Variants in UNC13C observed in about 807,000 individuals in gnomAD.
UNC13C encodes unc-13 homolog C, also known as protein unc-13 homolog C.
A neutral mutation model predicts 245.4 loss-of-function variants in UNC13C; 174 were observed. The observed-to-expected ratio is 0.71, with a 90% confidence interval of 0.63 to 0.80. UNC13C has a LOEUF of 0.80. Ranked by LOEUF, UNC13C falls within the 30% of genes least tolerant of loss-of-function variation. UNC13C has a pLI of 0.00. For missense variants in UNC13C, 2,829 were observed against 2,602.9 expected, an observed-to-expected ratio of 1.09 and a Z score of -1.89; for synonymous variants, 992 against 895.1, an observed-to-expected ratio of 1.11 and a Z score of -1.93.
intron 14 of UNC13C, among the ~76,000 whole-genome samples, chr15:54,326,570 ATTTGCCATTAGCTCTAGTT>A (rs2038302719): frequency 6.6e-6 from 1 of 152,006 alleles, no homozygotes; most frequent in Non-Finnish European, 1.5e-5. Flanking sequence ...AGGTAAAGTG[ATTTGCCATTAGCTCTAGTT>A]TTTGGTAAGT....
intron 2 of UNC13C, among the ~76,000 whole-genome samples, chr15:54,052,051 G>A (rs1323985516): frequency 8.5e-6 from 1 of 117,550 alleles, no homozygotes; most frequent in Non-Finnish European, 1.7e-5. Context: ...TGAGAATGAT[G>A]ATTTCCAATT....
chr15:54,028,412 C>T (rs1896209207), intron 2 of UNC13C, among the ~76,000 whole-genome samples: 1 of 152,178 alleles, frequency 6.6e-6, no homozygotes, highest in African/African-American at 2.4e-5. Context: ...CCCATCCCTG[C>T]TCTGCCACTA....
chr15:54,373,527 C>T (rs1431296000), intron 17 of UNC13C, among the ~76,000 whole-genome samples: 1 of 152,148 alleles, frequency 6.6e-6, no homozygotes, highest in Non-Finnish European at 1.5e-5. Flanking sequence ...GGCATGGGTG[C>T]CAGCTCCCTG....
At chr15:53,930,766 G>A in the UNC13C span, among the ~76,000 whole-genome samples, 2 of 152,128 alleles carry the variant, frequency 1.3e-5, no homozygotes, top group African/African-American at 2.4e-5. Context: ...TTTCTACTAA[G>A]TGTTAGGTTA....
At chr15:53,843,983 A>G in the UNC13C span, among the ~76,000 whole-genome samples, 1 of 152,188 alleles carries the variant, frequency 6.6e-6, no homozygotes, top group Non-Finnish European at 1.5e-5. Flanking sequence ...TTTTCAGAAC[A>G]GAAGAGCCTG....
At chr15:54,075,183 A>G (rs1443926539) in intron 2 of UNC13C, among the ~76,000 whole-genome samples, 1 of 152,080 alleles carries the variant, frequency 6.6e-6, no homozygotes, top group Non-Finnish European at 1.5e-5. Flanking sequence ...TGCAGTTTTT[A>G]CTATCAAAAG....
chr15:54,105,343 C>T (rs1482055308), intron 2 of UNC13C, among the ~76,000 whole-genome samples: 2 of 152,146 alleles, frequency 1.3e-5, no homozygotes, highest in African/African-American at 2.4e-5. Flanking sequence ...CAGCTCCTTT[C>T]TCTAGGCCCA....
intron 2 of UNC13C, among the ~76,000 whole-genome samples, chr15:54,023,467 T>C (rs927282003): frequency 5.3e-5 from 8 of 149,752 alleles, no homozygotes; most frequent in African/African-American, 1.9e-4. Flanking sequence ...TGCTAAGAGA[T>C]AGTATCATAT....
chr15:54,229,979 A>G (rs147142856), intron 4 of UNC13C, among the ~76,000 whole-genome samples: 17 of 152,134 alleles, frequency 1.1e-4, no homozygotes, highest in African/African-American at 3.1e-4. Flanking sequence ...CTAGTATTCT[A>G]TTGTGTATAT....
At chr15:54,595,056 G>T (rs1040474983) in intron 30 of UNC13C, among the ~76,000 whole-genome samples, 15 of 152,232 alleles carry the variant, frequency 9.9e-5, no homozygotes, top group Admixed American at 6.5e-5. Context: ...CATTCGATAA[G>T]ATGTATAGCA....
the UNC13C span, chr15:53,955,730 T>C: frequency 4.6e-5 from 7 of 152,224 alleles, no homozygotes; most frequent in Non-Finnish European, 1.0e-4. Context: ...GCTTTAAACA[T>C]GCTCCATCAG....
At chr15:53,982,442 G>A (rs1221568134) in intron 1 of UNC13C, among the ~76,000 whole-genome samples, 2 of 152,048 alleles carry the variant, frequency 1.3e-5, no homozygotes, top group East Asian at 3.9e-4. Context: ...TTTATAGGTG[G>A]GAAGAACTAA....
chr15:53,893,359 A>G, the UNC13C span, among the ~76,000 whole-genome samples: 1 of 152,100 alleles, frequency 6.6e-6, no homozygotes, highest in Non-Finnish European at 1.5e-5. Flanking sequence ...AGGCATTCTG[A>G]CCCTTAACAG....
intron 21 of UNC13C, 46 bp from the exon 22 acceptor site, chr15:54,500,789 G>T (rs761081766): frequency 1.3e-6 from 2 of 1,543,500 alleles, no homozygotes; most frequent in African/African-American, 1.4e-5. Context: ...TTTCCATTCC[G>T]CCTCTAATGT....
chr15:53,979,436 CAAG>C (rs762195953), intron 1 of UNC13C, among the ~76,000 whole-genome samples: 12 of 125,782 alleles, frequency 9.5e-5, no homozygotes, highest in Admixed American at 2.1e-4. Context: ...ATCAGTTCTT[CAAG>C]AAGAAGATCC....
At position 54,100,689 on chromosome 15, in the gene UNC13C, C is replaced by CA. The variant is rs113993450; in HGVS notation, c.2984-42318dup. Among the ~76,000 whole-genome samples the CA allele has an allele frequency of 4.4e-3, 644 of 145,736 alleles. 2 individuals carry two copies. Among genetic ancestry groups the CA allele is most frequent in the Non-Finnish European group, 6.4e-3 (422 of 65,966 alleles). ...CATACACTTCTCCAACTCAGTATCTCAAAAAAAAAAATAGCTGTTGAAACC... is the reference window on the plus strand; with the variant it reads ...CATACACTTCTCCAACTCAGTATCTCAAAAAAAAAAAATAGCTGTTGAAACC... On this transcript the variant is annotated intron_variant, in intron 2 of 32. Coordinates refer to ENST00000260323, the MANE Select transcript of UNC13C (RefSeq NM_001080534.3).
chr15:54,009,744 A>G (rs532452503), intron 1 of UNC13C, among the ~76,000 whole-genome samples: 5 of 152,170 alleles, frequency 3.3e-5, no homozygotes, highest in Non-Finnish European at 7.4e-5. Context: ...ATAGGATTTC[A>G]CCAACTTGGC....
chr15:54,072,392 T>G (rs1595808213), intron 2 of UNC13C, among the ~76,000 whole-genome samples: 2 of 152,170 alleles, frequency 1.3e-5, no homozygotes, highest in African/African-American at 4.8e-5. Context: ...AACTGAATTT[T>G]CCATCAGAAT....
chr15:54,359,834 T>C (rs1343302342), intron 17 of UNC13C, among the ~76,000 whole-genome samples: 1 of 151,878 alleles, frequency 6.6e-6, no homozygotes, highest in Admixed American at 6.6e-5. Context: ...AAAATCTCTA[T>C]TTTATTTATT....
Sources: gnomAD v4.1 joint callset for allele counts (sites outside exome capture counted in the v4.1 genomes callset) on GRCh38, gnomAD v4.1.1 for gene constraint, MANE v1.5 for transcripts, NCBI Gene and HGNC (gene_info 2026-07-23, HGNC 2026-07-21) for gene names.